The following ZNF292 variants were observed in gnomAD, a reference collection of about 807,000 sequenced individuals.
ZNF292 encodes the protein 16 zinc-finger domain protein.
ZNF292 carries 26 observed loss-of-function variants against 217.9 expected under a neutral mutation model. That is an observed-to-expected ratio of 0.12 (90% CI 0.09 to 0.17). The LOEUF (loss-of-function observed/expected upper bound fraction) is 0.17, where lower values mean the gene tolerates loss of function less well. Ranked by LOEUF, ZNF292 falls within the 10% of genes least tolerant of loss-of-function variation. The pLI, the probability that ZNF292 is intolerant of heterozygous loss-of-function variation, is 1.00. For synonymous variants in ZNF292, 1,257 were observed against 1,124.1 expected (o/e 1.12, Z -2.37); for missense variants, 2,904 against 3,175.2 (o/e 0.91, Z 2.05).
chr6:87,164,585 C>A (rs896748538), intron 1 of ZNF292, among the ~76,000 whole-genome samples: 16 of 151,974 alleles, frequency 1.1e-4, no homozygotes, highest in African/African-American at 3.6e-4. Flanking sequence ...AATTTTTTTC[C>A]TTTCAATAGC....
chr6:87,216,367 C>T lies in ZNF292; in HGVS notation c.392C>T (p.Thr131Ile), dbSNP rs1259946946. ...GATAAACAGTGGGAACAATTTCAGACACTGGTGCAGGTGAGAATCTTTATC... is the reference window on the plus strand; with the variant it reads ...GATAAACAGTGGGAACAATTTCAGATACTGGTGCAGGTGAGAATCTTTATC... Reference protein sequence around the residue: ...LSDKQWEQFQTLVQVAHEKLM... With the variant: ...LSDKQWEQFQILVQVAHEKLM... The change falls in exon 3 of 8, where the codon ACA (threonine) becomes ATA (isoleucine). Residue 131 changes from threonine to isoleucine, a missense_variant. Thr to Ile is a moderately conservative substitution (Grantham distance 89). Coordinates refer to ENST00000369577, the MANE Select transcript of ZNF292 (RefSeq NM_015021.3). The T allele has an allele frequency of 6.3e-7, 1 of 1,579,400 alleles. No individual in the cohort carries two copies. Among genetic ancestry groups the T allele is most frequent in the Non-Finnish European group, 8.6e-7 (1 of 1,160,062 alleles).
chr6:87,220,825 A>G (rs1773046655), intron 4 of ZNF292, among the ~76,000 whole-genome samples: 1 of 152,174 alleles, frequency 6.6e-6, no homozygotes, highest in South Asian at 2.1e-4. Context: ...CTATGCAGCC[A>G]GGGGAGTTTT....
intron 3 of ZNF292, among the ~76,000 whole-genome samples, chr6:87,218,152 A>C (rs1393376255): frequency 1.3e-5 from 2 of 152,146 alleles, no homozygotes; most frequent in African/African-American, 4.8e-5. Context: ...TCATGCATTT[A>C]GTTATTTTCT....
Position 87,264,345 on chromosome 6 carries a change from T to G in ZNF292, c.*2544T>G, listed in dbSNP as rs1775745627. On this transcript the variant is annotated 3_prime_UTR_variant, in exon 8 of 8. Coordinates refer to ENST00000369577, the MANE Select transcript of ZNF292 (RefSeq NM_015021.3). The stretch of plus-strand genomic sequence containing the variant: ...ATTGTATTATTCAAAATACATCACC[T>G]TAAGTGAAATGTAACAGTTTTTGAA... 1 of 152,200 alleles carries G rather than the reference T, an allele frequency of 6.6e-6. No individual in the cohort carries two copies. Among genetic ancestry groups the G allele is most frequent in the Non-Finnish European group, 1.5e-5 (1 of 68,048 alleles). 9.4% of individuals were successfully genotyped at this position (152,200 alleles called of 1,614,324 possible).
At chr6:87,216,768 A>G (rs1307292071) in intron 3 of ZNF292, among the ~76,000 whole-genome samples, 1 of 151,974 alleles carries the variant, frequency 6.6e-6, no homozygotes. Flanking sequence ...CCCCATTTTA[A>G]AGGTGAGGAA....
Position 87,215,981 on chromosome 6 carries a change from C to G in ZNF292, c.247C>G (p.Gln83Glu), listed in dbSNP as rs980983004. 6.9e-6 allele frequency: 11 copies of G among 1,590,800 alleles called. No homozygotes were observed. The highest frequency in any genetic ancestry group is 9.4e-6 in the Non-Finnish European group (11 of 1,173,618). ...PLLEVYTVAI[Q>E]SYVKARPYLT... ...ATTGGAGGTATACACAGTGGCTATC[C>G]AAAGTTATGTTAAAGCCCGACCTTA... Residue 83 changes from glutamine to glutamate, a missense_variant, in exon 2 of 8, where the codon CAA (glutamine) becomes GAA (glutamate). Physicochemically the swap from Gln to Glu is conservative, Grantham distance 29. Transcript: ENST00000369577.
rs558434799 is a variant in ZNF292 at position 87,202,468 on chromosome 6, T to C, written c.169-13435T>C. On this transcript the variant is annotated intron_variant, in intron 1 of 7. Transcript: ENST00000369577. ...TGTCTGCAATGGTGACATTTTTATT[T>C]TATCTTTCTGGTTCTTACTGCTTTT... 5.3e-5 allele frequency among the ~76,000 whole-genome samples: 8 copies of C among 152,360 alleles called. No individual in the cohort carries two copies. The South Asian group carries it at 1.7e-3, about 32-fold the overall frequency.
At position 87,245,493 on chromosome 6, in the gene ZNF292, T is replaced by A. The variant is rs764799477; in HGVS notation, c.879-10T>A. ...TCCAACTTTTCTTATTATAACTTTT[T>A]TTTTTTAAGGGAACTTACTCTCTTT... is the stretch of plus-strand genomic sequence containing the variant. On this transcript the variant is annotated splice_polypyrimidine_tract_variant and intron_variant, in intron 6 of 7. Coordinates refer to ENST00000369577, the MANE Select transcript of ZNF292 (RefSeq NM_015021.3). The A allele has an allele frequency of 2.7e-6, 4 of 1,492,080 alleles. No individual in the cohort carries two copies. The East Asian group carries it at 1.0e-4, about 37-fold the overall frequency. 92.4% of individuals were successfully genotyped at this position (1,492,080 alleles called of 1,614,324 possible).
chr6:87,224,070 T>G (rs1438756657), intron 4 of ZNF292: 1 of 152,212 alleles, frequency 6.6e-6, no homozygotes, highest in Non-Finnish European at 1.5e-5. Flanking sequence ...CAGACTAGCT[T>G]TTTCCACCAT....
At chr6:87,215,645 C>T (rs1772715772) in intron 1 of ZNF292, among the ~76,000 whole-genome samples, 1 of 152,170 alleles carries the variant, frequency 6.6e-6, no homozygotes, top group South Asian at 2.1e-4. Flanking sequence ...GGAGATAACT[C>T]TTGCCCTATT....
chr6:87,261,206 A>G lies in ZNF292; in HGVS notation c.7577A>G (p.Lys2526Arg), dbSNP rs766672958. 3 of 1,611,152 alleles carry G rather than the reference A, an allele frequency of 1.9e-6. No individual in the cohort carries two copies. Among genetic ancestry groups the G allele is most frequent in the Non-Finnish European group, 2.5e-6 (3 of 1,179,102 alleles). ...EDNLCQSERQ[K>R]ASNLKRVNKE... Reference sequence around the variant, plus strand: ...AACCTCTGCCAGTCAGAAAGACAAAAAGCAAGTAATTTGAAGAGAGTTAAT... The same window carrying G: ...AACCTCTGCCAGTCAGAAAGACAAAGAGCAAGTAATTTGAAGAGAGTTAAT... The change falls in exon 8 of 8, where the codon AAA becomes AGA. Residue 2526 changes from lysine to arginine, a missense_variant. Physicochemically the swap from Lys to Arg is conservative, Grantham distance 26 (BLOSUM62 2). Coordinates refer to ENST00000369577, the MANE Select transcript of ZNF292 (RefSeq NM_015021.3).
intron 4 of ZNF292, among the ~76,000 whole-genome samples, chr6:87,230,688 T>C (rs1022880314): frequency 2.0e-5 from 3 of 151,428 alleles, no homozygotes; most frequent in African/African-American, 7.3e-5. Flanking sequence ...GAGCCGAGAT[T>C]GCGCCACTGC....
intron 1 of ZNF292, among the ~76,000 whole-genome samples, chr6:87,166,748 A>C (rs1484497495): frequency 6.6e-6 from 1 of 152,214 alleles, no homozygotes; most frequent in Non-Finnish European, 1.5e-5. Flanking sequence ...TGGTTAGAAA[A>C]GTATACATGA....
chr6:87,179,476 T>C (rs1238691784), intron 1 of ZNF292, among the ~76,000 whole-genome samples: 2 of 152,066 alleles, frequency 1.3e-5, no homozygotes, highest in Non-Finnish European at 2.9e-5. Flanking sequence ...GGACTCTATA[T>C]GGTATAAAGG....
intron 5 of ZNF292, among the ~76,000 whole-genome samples, chr6:87,236,912 T>C (rs193171286): frequency 8.5e-5 from 13 of 152,340 alleles, no homozygotes; most frequent in Admixed American, 7.2e-4. Context: ...CACTTACTTA[T>C]ATTGTTGCCT....
chr6:87,246,540 T>C (rs188410134), intron 7 of ZNF292, among the ~76,000 whole-genome samples: 18 of 152,270 alleles, frequency 1.2e-4, no homozygotes, highest in Admixed American at 9.2e-4. Context: ...AAGTTTGATA[T>C]CTACACAGGG....
At chr6:87,157,134 G>A (rs1467011961) in intron 1 of ZNF292, among the ~76,000 whole-genome samples, 1 of 152,136 alleles carries the variant, frequency 6.6e-6, no homozygotes, top group African/African-American at 2.4e-5. Context: ...CTCCGTTGCT[G>A]TATGCACTTT....
At chr6:87,157,437 A>C (rs989531614) in intron 1 of ZNF292, among the ~76,000 whole-genome samples, 4 of 152,230 alleles carry the variant, frequency 2.6e-5, no homozygotes. Flanking sequence ...GAAGTATTTC[A>C]TTTGTAAGTC....
intron 1 of ZNF292, among the ~76,000 whole-genome samples, chr6:87,183,711 T>A (rs1295848255): frequency 6.6e-6 from 1 of 152,222 alleles, no homozygotes; most frequent in African/African-American, 2.4e-5. Flanking sequence ...CATAAATAGA[T>A]ACACTAAGGA....
Sources: gnomAD v4.1 joint callset for allele counts (sites outside exome capture counted in the v4.1 genomes callset) on GRCh38, gnomAD v4.1.1 for gene constraint, MANE v1.5 for transcripts, NCBI Gene and HGNC (gene_info 2026-07-23, HGNC 2026-07-21) for gene names.